The following ADAMTS3 variants were observed in gnomAD, a reference collection of about 807,000 sequenced individuals.
ADAMTS3 encodes the protein ADAM metallopeptidase with thrombospondin type 1 motif 3.
A neutral mutation model predicts 129.0 loss-of-function variants in ADAMTS3; 73 were observed. The observed-to-expected ratio is 0.57, with a 90% CI of 0.47 to 0.69. The LOEUF is 0.69. Among genes scored for constraint, ADAMTS3 ranks in the 30% least tolerant of loss-of-function variants. The probability of loss-of-function intolerance (pLI) is 0.00; values close to 1 mark genes in which losing one functional copy is unlikely to be tolerated. For missense variants in ADAMTS3, 1,457 were observed against 1,514.5 expected (o/e 0.96, Z 0.63); for synonymous variants, 477 against 510.8 (o/e 0.93, Z 0.89).
Position 72,350,422 on chromosome 4 carries a change from A to G in ADAMTS3, c.662-10729T>C, listed in dbSNP as rs1720403684. Among the ~76,000 whole-genome samples, 3 of 152,142 alleles carry G rather than the reference A, an allele frequency of 2.0e-5. No individual in the cohort carries two copies. In the South Asian group the frequency reaches 6.2e-4, roughly 32 times the overall value. On this transcript the variant is annotated intron_variant, in intron 4 of 21. Transcript: ENST00000286657. ...TTGTCAGTTCTGTGTTGGTTTGGAC[A>G]GATTTATTTTTCTCATCATTATGGG... is the stretch of plus-strand genomic sequence containing the variant.
At chr4:72,350,668 C>G (rs1720410903) in intron 4 of ADAMTS3, among the ~76,000 whole-genome samples, 1 of 151,998 alleles carries the variant, frequency 6.6e-6, no homozygotes, top group Non-Finnish European at 1.5e-5. Context: ...CAGCTAATGA[C>G]TGACCACCAC....
chr4:72,456,256 T>C (rs1218768498), intron 3 of ADAMTS3, among the ~76,000 whole-genome samples: 7 of 143,200 alleles, frequency 4.9e-5, no homozygotes, highest in Non-Finnish European at 1.0e-4. Context: ...ATATAGTATA[T>C]ATACTGTATA....
intron 4 of ADAMTS3, among the ~76,000 whole-genome samples, chr4:72,375,908 T>C (rs1292937881): frequency 6.6e-6 from 1 of 152,164 alleles, no homozygotes; most frequent in Non-Finnish European, 1.5e-5. Context: ...CAGGGCATTA[T>C]GTGGAATAAA....
chr4:72,401,566 C>CAAAAAAAAAAAAAA (rs374322807), intron 4 of ADAMTS3, among the ~76,000 whole-genome samples: 5 of 37,054 alleles, frequency 1.3e-4, no homozygotes, highest in African/African-American at 3.2e-4. Flanking sequence ...TACTCTGTCT[C>CAAAAAAAAAAAAAA]AAAAAAAAAA....
intron 21 of ADAMTS3, among the ~76,000 whole-genome samples, chr4:72,285,769 C>CAAAA (rs5859311): frequency 1.1e-4 from 10 of 93,688 alleles, no homozygotes; most frequent in African/African-American, 3.9e-4. Flanking sequence ...AGCTTACAGG[C>CAAAA]AAAAAAAAAA....
intron 3 of ADAMTS3, among the ~76,000 whole-genome samples, chr4:72,512,226 T>C (rs1293062079): frequency 1.3e-5 from 2 of 152,046 alleles, no homozygotes; most frequent in East Asian, 3.9e-4. Flanking sequence ...TTGTAATCCC[T>C]GCACTTTGGG....
intron 2 of ADAMTS3, 140 bp from the exon 3 acceptor site, chr4:72,549,024 A>T: frequency 1.4e-6 from 1 of 691,604 alleles, no homozygotes. Flanking sequence ...GCTCATAAAT[A>T]TTAAATTTTG....
intron 3 of ADAMTS3, among the ~76,000 whole-genome samples, chr4:72,453,580 C>A (rs13101770): frequency 6.6e-6 from 1 of 151,630 alleles, no homozygotes; most frequent in Non-Finnish European, 1.5e-5. Flanking sequence ...CAAGCAATCA[C>A]ATCTAGTAAA....
At chr4:72,379,676 G>C (rs1163853861) in intron 4 of ADAMTS3, among the ~76,000 whole-genome samples, 1 of 152,066 alleles carries the variant, frequency 6.6e-6, no homozygotes, top group Admixed American at 6.6e-5. Flanking sequence ...GACATCTGTA[G>C]TATCACTATG....
At chr4:72,500,088 C>G (rs1051346968) in intron 3 of ADAMTS3, among the ~76,000 whole-genome samples, 1 of 152,110 alleles carries the variant, frequency 6.6e-6, no homozygotes, top group African/African-American at 2.4e-5. Context: ...AATGAACATA[C>G]AAGTGCATGT....
chr4:72,469,937 T>C (rs762002579), intron 3 of ADAMTS3, among the ~76,000 whole-genome samples: 5 of 152,184 alleles, frequency 3.3e-5, no homozygotes, highest in Non-Finnish European at 5.9e-5. Context: ...CAGTGAGGCT[T>C]CCAGGCAACA....
At position 72,443,693 on chromosome 4, in the gene ADAMTS3, GA is replaced by G. The variant is rs35934839; in HGVS notation, c.505-28723del. Among the ~76,000 whole-genome samples the G allele has an allele frequency of 2.0e-3, 282 of 142,768 alleles. 2 individuals carry two copies. The highest frequency in any genetic ancestry group is 7.3e-3 in the Middle Eastern group (2 of 274). The allele number at this position is 142,768 out of a possible 152,430, so 93.7% of individuals were successfully genotyped here. A position where few individuals can be genotyped will look rare whatever the true frequency, so the allele number is the denominator to read the frequency against. ...CTGAAATCCCAAAAACGTTCGAATG[GA>G]AAAAAAAAAAATGGTACAAGAAACC... On this transcript the variant is annotated intron_variant, in intron 3 of 21. Coordinates refer to ENST00000286657, the MANE Select transcript of ADAMTS3 (RefSeq NM_014243.3).
At chr4:72,515,167 A>G (rs931447415) in intron 3 of ADAMTS3, among the ~76,000 whole-genome samples, 1 of 152,102 alleles carries the variant, frequency 6.6e-6, no homozygotes, top group Admixed American at 6.5e-5. Flanking sequence ...ACATGAACTG[A>G]TCCTTTTTTA....
intron 4 of ADAMTS3, among the ~76,000 whole-genome samples, chr4:72,386,526 A>T (rs1721453907): frequency 6.6e-6 from 1 of 152,072 alleles, no homozygotes; most frequent in African/African-American, 2.4e-5. Flanking sequence ...ATCACATCTA[A>T]ATCATATCTA....
intron 4 of ADAMTS3, among the ~76,000 whole-genome samples, chr4:72,361,288 A>G (rs1162869224): frequency 1.3e-5 from 2 of 152,316 alleles, no homozygotes; most frequent in African/African-American, 2.4e-5. Context: ...GTTATGTGAA[A>G]TAAATGAGAT....
intron 13 of ADAMTS3, among the ~76,000 whole-genome samples, chr4:72,311,737 T>C (rs925792267): frequency 1.3e-4 from 20 of 152,148 alleles, no homozygotes; most frequent in African/African-American, 4.8e-4. Flanking sequence ...CTATTTCCTT[T>C]CATTCACTCA....
intron 3 of ADAMTS3, among the ~76,000 whole-genome samples, chr4:72,530,347 ATAT>A (rs1344603139): frequency 1.2e-5 from 1 of 85,824 alleles, no homozygotes; most frequent in Non-Finnish European, 2.0e-5. Context: ...TATATAATAT[ATAT>A]TAAATTAATA....
At chr4:72,291,478 T>C (rs967716033) in intron 19 of ADAMTS3, among the ~76,000 whole-genome samples, 1 of 145,074 alleles carries the variant, frequency 6.9e-6, no homozygotes, top group Non-Finnish European at 1.5e-5. Flanking sequence ...TCAATTCCCA[T>C]CTATGAGTGA....
intron 3 of ADAMTS3, among the ~76,000 whole-genome samples, chr4:72,484,211 C>T (rs1275689279): frequency 6.6e-6 from 1 of 152,094 alleles, no homozygotes; most frequent in African/African-American, 2.4e-5. Context: ...AAGTTTAAAA[C>T]CTAACACTAA....
Sources: allele counts gnomAD v4.1 joint callset (sites outside exome capture counted in the v4.1 genomes callset), GRCh38; gene constraint gnomAD v4.1.1; transcripts MANE v1.5; gene names NCBI Gene and HGNC (gene_info 2026-07-23, HGNC 2026-07-21).